Variants in ZBTB20 observed in about 807,000 individuals in gnomAD.
ZBTB20 encodes zinc finger and BTB domain containing 20.
A neutral mutation model predicts 56.9 loss-of-function variants in ZBTB20; 9 were observed. The ratio of observed to expected loss-of-function variants is 0.16; its 90% confidence interval spans 0.10 to 0.28. ZBTB20 has a LOEUF of 0.28. Among genes scored for constraint, ZBTB20 ranks in the 10% least tolerant of loss-of-function variants. The pLI is 1.00. For synonymous variants in ZBTB20, 417 were observed against 420.7 expected, an observed-to-expected ratio of 0.99 and a Z score of 0.11; for missense variants, 655 against 1,003.0, an observed-to-expected ratio of 0.65 and a Z score of 4.69.
chr3:114,607,841 A>T (rs1188354406), intron 6 of ZBTB20, among the ~76,000 whole-genome samples: 4 of 152,222 alleles, frequency 2.6e-5, no homozygotes, highest in Non-Finnish European at 4.4e-5. Flanking sequence ...ATACATTCTC[A>T]TGAAGCACAA....
intron 1 of ZBTB20, among the ~76,000 whole-genome samples, chr3:115,131,953 T>C (rs921824603): frequency 6.6e-6 from 1 of 152,204 alleles, no homozygotes; most frequent in African/African-American, 2.4e-5. Context: ...GAGCTGACTT[T>C]GTAATATGTT....
rs115993002 is a variant in ZBTB20, at chr3:114,875,081, A to C, written c.-417+25223T>G. 7.9e-3 allele frequency among the ~76,000 whole-genome samples: 1,204 copies of C among 152,106 alleles called. 13 individuals carry two copies. The highest frequency in any genetic ancestry group is 0.026 in the African/African-American group (1,090 of 41,494). On this transcript the variant is annotated intron_variant, in intron 4 of 11. Transcript: ENST00000675478. ...CTTGTCTACTCCTATCTTAATAAGG[A>C]ATGACTGCCGTGACTACCCCCATCT... is the stretch of plus-strand genomic sequence containing the variant.
At chr3:114,609,043 C>A (rs1012787699) in intron 6 of ZBTB20, among the ~76,000 whole-genome samples, 3 of 152,154 alleles carry the variant, frequency 2.0e-5, no homozygotes, top group Non-Finnish European at 4.4e-5. Flanking sequence ...CCTTTCACAT[C>A]GCCTCATCTC....
chr3:114,752,882 C>T (rs1290054298), intron 5 of ZBTB20, among the ~76,000 whole-genome samples: 2 of 152,150 alleles, frequency 1.3e-5, no homozygotes, highest in Non-Finnish European at 2.9e-5. Context: ...CTCTAAGCAT[C>T]TTGAGTGCCT....
chr3:114,464,733 T>C lies in ZBTB20; in HGVS notation c.-255+35619A>G, dbSNP rs540953827. Reference sequence around the variant, plus strand: ...GAGAATGTAGTGGATAAAAAGGACATGAATAGCTGGGGGGATTTCCTGAGG... The same window carrying C: ...GAGAATGTAGTGGATAAAAAGGACACGAATAGCTGGGGGGATTTCCTGAGG... On this transcript the variant is annotated intron_variant, in intron 7 of 11. Coordinates refer to ENST00000675478, the MANE Select transcript of ZBTB20 (RefSeq NM_001348800.3). 3.9e-5 allele frequency among the ~76,000 whole-genome samples: 6 copies of C among 152,146 alleles called. No individual in the cohort carries two copies. The East Asian group carries it at 1.2e-3, about 29-fold the overall frequency.
chr3:114,556,009 T>A (rs2051171570), intron 6 of ZBTB20, among the ~76,000 whole-genome samples: 1 of 152,102 alleles, frequency 6.6e-6, no homozygotes, highest in African/African-American at 2.4e-5. Flanking sequence ...CTTTTTTGCC[T>A]TTTTAAAAAA....
At chr3:114,635,510 C>G (rs1162467091) in intron 6 of ZBTB20, among the ~76,000 whole-genome samples, 1 of 151,536 alleles carries the variant, frequency 6.6e-6, no homozygotes, top group Admixed American at 6.6e-5. Context: ...TTAAAGAAGC[C>G]CAGTGAGTTA....
chr3:114,517,796 G>A (rs1049381489), intron 6 of ZBTB20, among the ~76,000 whole-genome samples: 6 of 151,940 alleles, frequency 3.9e-5, no homozygotes, highest in Non-Finnish European at 5.9e-5. Flanking sequence ...GGTTGGTCTT[G>A]AATTCCTGAC....
intron 5 of ZBTB20, among the ~76,000 whole-genome samples, chr3:114,789,768 C>T (rs1441521633): frequency 6.6e-6 from 1 of 152,024 alleles, no homozygotes; most frequent in Non-Finnish European, 1.5e-5. Flanking sequence ...AAAACTTATA[C>T]TAGAACAAAA....
chr3:114,722,189 C>T (rs1319544841), intron 5 of ZBTB20, among the ~76,000 whole-genome samples: 1 of 152,150 alleles, frequency 6.6e-6, no homozygotes, highest in Non-Finnish European at 1.5e-5. Flanking sequence ...TGGTTCATAT[C>T]CTGGCTCAGG....
intron 5 of ZBTB20, among the ~76,000 whole-genome samples, chr3:114,783,923 T>C (rs2070303121): frequency 1.3e-5 from 2 of 152,148 alleles, no homozygotes; most frequent in African/African-American, 4.8e-5. Context: ...GACTAGTATA[T>C]TGAACAAAAA....
intron 6 of ZBTB20, among the ~76,000 whole-genome samples, chr3:114,517,266 G>A (rs1365259076): frequency 1.3e-5 from 2 of 152,168 alleles, no homozygotes; most frequent in Non-Finnish European, 2.9e-5. Flanking sequence ...GGCAGATCAA[G>A]TTCTCCACCT....
At chr3:114,789,261 C>T (rs1238077981) in intron 5 of ZBTB20, among the ~76,000 whole-genome samples, 1 of 152,110 alleles carries the variant, frequency 6.6e-6, no homozygotes, top group East Asian at 1.9e-4. Flanking sequence ...CTGTATTATG[C>T]ATAATGTTAA....
intron 6 of ZBTB20, among the ~76,000 whole-genome samples, chr3:114,635,762 GA>G (rs2059230311): frequency 6.6e-6 from 1 of 151,690 alleles, no homozygotes; most frequent in Non-Finnish European, 1.5e-5. Flanking sequence ...GGAGCACAAA[GA>G]AAAAACAAGG....
intron 4 of ZBTB20, among the ~76,000 whole-genome samples, chr3:114,856,063 C>G (rs921798562): frequency 6.6e-6 from 1 of 152,112 alleles, no homozygotes; most frequent in African/African-American, 2.4e-5. Context: ...CACTTTCTGG[C>G]TGTGTGGTAT....
In ZBTB20 at chr3:114,677,909, T is replaced by C; in HGVS notation, c.-295+15619A>G. Reference sequence around the variant, plus strand: ...AATCAAAGTTTTACAGTATTAACCTTACAAAGATTTTTGCCCATAAGAAGG... The same window carrying C: ...AATCAAAGTTTTACAGTATTAACCTCACAAAGATTTTTGCCCATAAGAAGG... On this transcript the variant is annotated intron_variant, in intron 6 of 11. Coordinates refer to ENST00000675478, the MANE Select transcript of ZBTB20 (RefSeq NM_001348800.3). Among the ~76,000 whole-genome samples, 2 of 152,178 alleles carry C rather than the reference T, an allele frequency of 1.3e-5. 1 individual carries two copies. Among genetic ancestry groups the C allele is most frequent in the Non-Finnish European group, 2.9e-5 (2 of 68,030 alleles).
At chr3:114,604,613 T>G (rs1187435606) in intron 6 of ZBTB20, among the ~76,000 whole-genome samples, 1 of 152,094 alleles carries the variant, frequency 6.6e-6, no homozygotes, top group Admixed American at 6.6e-5. Flanking sequence ...AAATGGTTCC[T>G]GAGCTCCATA....
rs578061229 is a variant in ZBTB20 at position 114,455,620 on chromosome 3, G to T, written c.-255+44732C>A. Reference sequence around the variant, plus strand: ...CGAATCTAGATCTTGGAGGGAGAAGGATGCTGGAAGAAGAGGCACCGTGGC... The same window carrying T: ...CGAATCTAGATCTTGGAGGGAGAAGTATGCTGGAAGAAGAGGCACCGTGGC... On this transcript the variant is annotated intron_variant, in intron 7 of 11. Coordinates refer to ENST00000675478, the MANE Select transcript of ZBTB20 (RefSeq NM_001348800.3). 6.6e-5 allele frequency among the ~76,000 whole-genome samples: 10 copies of T among 152,182 alleles called. No homozygotes were observed. In the South Asian group the frequency reaches 1.5e-3, roughly 22 times the overall value.
chr3:114,680,043 C>T (rs1336754928), intron 6 of ZBTB20, among the ~76,000 whole-genome samples: 3 of 152,090 alleles, frequency 2.0e-5, no homozygotes, highest in African/African-American at 4.8e-5. Context: ...GAACAGAAAA[C>T]CAAACACCAC....
Sources: allele counts gnomAD v4.1 joint callset (sites outside exome capture counted in the v4.1 genomes callset), GRCh38; gene constraint gnomAD v4.1.1; transcripts MANE v1.5; gene names NCBI Gene and HGNC (gene_info 2026-07-23, HGNC 2026-07-21).